RYR2: variants seen among roughly 807,000 people sequenced by gnomAD.
RYR2 encodes the protein cardiac muscle ryanodine receptor-calcium release channel.
Under a neutral mutation model 601.1 loss-of-function variants are expected in RYR2, and 227 were observed. The observed-to-expected ratio is 0.38, with a 90% CI of 0.34 to 0.42. RYR2 has a LOEUF of 0.42. RYR2 is among the 10% of genes least tolerant of loss of function. RYR2 has a pLI of 1.00. For missense variants in RYR2, 4,646 were observed against 6,156.5 expected (o/e 0.75, Z 8.21); for synonymous variants, 2,223 against 2,175.1 (o/e 1.02, Z -0.61).
At chr1:237,579,000 A>T (rs1259296755) in intron 29 of RYR2, among the ~76,000 whole-genome samples, 1 of 150,710 alleles carries the variant, frequency 6.6e-6, no homozygotes, top group East Asian at 2.0e-4. Flanking sequence ...AAGGACTGAG[A>T]ATCAGATATC....
intron 52 of RYR2, among the ~76,000 whole-genome samples, chr1:237,655,374 C>G (rs1294269665): frequency 6.6e-6 from 1 of 152,060 alleles, no homozygotes; most frequent in Non-Finnish European, 1.5e-5. Context: ...TTTTTCAAAG[C>G]TTTATAATGC....
intron 1 of RYR2, among the ~76,000 whole-genome samples, chr1:237,112,171 C>T (rs4659769): frequency 0.64 from 97,908 of 152,030 alleles, 32,109 homozygotes; most frequent in Admixed American, 0.71. Flanking sequence ...CTAGGTGCAA[C>T]GGTGCAATCT....
rs1416816823 is a variant in RYR2, at chr1:237,591,734, T to C, written c.4161-5T>C. ...GCTTATTGTTAGTCCTCTGAAATAT[T>C]TCAGATTTTTGCTTAGAAGAACAAA... On this transcript the variant is annotated splice_region_variant and splice_polypyrimidine_tract_variant and intron_variant, in intron 31 of 104. Transcript: ENST00000366574. 4.4e-6 allele frequency: 7 copies of C among 1,607,100 alleles called. No individual in the cohort carries two copies. In the Admixed American group the frequency reaches 1.2e-4, roughly 27 times the overall value.
At chr1:237,448,862 A>C (rs1214747127) in intron 14 of RYR2, among the ~76,000 whole-genome samples, 1 of 148,084 alleles carries the variant, frequency 6.8e-6, no homozygotes, top group Non-Finnish European at 1.5e-5. Context: ...TTGTATCTTT[A>C]CATTTAAAGT....
intron 92 of RYR2, among the ~76,000 whole-genome samples, chr1:237,789,345 TTATA>T (rs1268073068): frequency 3.3e-5 from 5 of 152,212 alleles, no homozygotes; most frequent in Non-Finnish European, 5.9e-5. Flanking sequence ...TGGTTATGTA[TTATA>T]TATTTTATGC....
intron 100 of RYR2, among the ~76,000 whole-genome samples, chr1:237,813,099 A>C (rs1661425223): frequency 6.6e-6 from 1 of 151,952 alleles, no homozygotes; most frequent in South Asian, 2.1e-4. Context: ...CGCTGCCTTT[A>C]ATATCAGCTG....
At chr1:237,565,170 T>C (rs60802361) in intron 27 of RYR2, among the ~76,000 whole-genome samples, 12 of 22,938 alleles carry the variant, frequency 5.2e-4, no homozygotes, top group East Asian at 2.4e-3. Context: ...TTTCTTTCTT[T>C]CTTTCTTTCT....
chr1:237,153,629 G>T (rs1674982211), intron 1 of RYR2, among the ~76,000 whole-genome samples: 1 of 150,778 alleles, frequency 6.6e-6, no homozygotes, highest in African/African-American at 2.4e-5. Flanking sequence ...GTTGTTGAAG[G>T]TTATAAACTA....
At chr1:237,738,967 A>T (rs1183596911) in intron 79 of RYR2, among the ~76,000 whole-genome samples, 2 of 152,214 alleles carry the variant, frequency 1.3e-5, no homozygotes, top group Non-Finnish European at 2.9e-5. Flanking sequence ...CACCCCCTCC[A>T]ATATTTGATA....
At chr1:237,564,364 G>C (rs763458386) in intron 27 of RYR2, among the ~76,000 whole-genome samples, 1 of 151,804 alleles carries the variant, frequency 6.6e-6, no homozygotes, top group African/African-American at 2.4e-5. Context: ...TCTGCTTCCC[G>C]GGCTCAAGCA....
At chr1:237,227,323 A>G (rs73121655) in intron 1 of RYR2, among the ~76,000 whole-genome samples, 4,489 of 152,282 alleles carry the variant, frequency 0.029, 239 homozygotes, top group African/African-American at 0.1. Flanking sequence ...GTGTACATAG[A>G]TGGAAGTATC....
rs73119311 is a variant in RYR2 at position 237,146,303 on chromosome 1, T to C, written c.48+103734T>C. Among the ~76,000 whole-genome samples, 699 of 152,326 alleles carry C rather than the reference T, an allele frequency of 4.6e-3. 4 individuals are homozygous for C. The highest frequency in any genetic ancestry group is 0.016 in the African/African-American group (654 of 41,576). On this transcript the variant is annotated intron_variant, in intron 1 of 104. Transcript: ENST00000366574. Reference sequence around the variant, plus strand: ...TTTTTAATTTAGTGTTTGGCTTCTATTGGCTCTAAGTCAACTATCTAATGA... The same window carrying C: ...TTTTTAATTTAGTGTTTGGCTTCTACTGGCTCTAAGTCAACTATCTAATGA...
chr1:237,095,083 G>A lies in RYR2; in HGVS notation c.48+52514G>A, dbSNP rs190372871. On this transcript the variant is annotated intron_variant, in intron 1 of 104. Transcript: ENST00000366574. Reference sequence around the variant, plus strand: ...GGTTAAGTAATGTCTTCAGGTTATCGTTGCAAATTAAAATGTTGAAAATAA... The same window carrying A: ...GGTTAAGTAATGTCTTCAGGTTATCATTGCAAATTAAAATGTTGAAAATAA... Among the ~76,000 whole-genome samples the A allele has an allele frequency of 4.6e-5, 7 of 152,306 alleles. No homozygotes were observed. In the East Asian group the frequency reaches 7.7e-4, roughly 17 times the overall value.
In RYR2 at chr1:237,808,669, CAAAAT is replaced by C. The variant is rs878966941; in HGVS notation, c.14299-208_14299-204del. Among the ~76,000 whole-genome samples, 876 of 139,248 alleles carry C rather than the reference CAAAAT, an allele frequency of 6.3e-3. 4 individuals are homozygous for C. Among genetic ancestry groups the C allele is most frequent in the Admixed American group, 9.3e-3 (130 of 14,044 alleles). The allele number at this position is 139,248 out of a possible 152,430, so 91.4% of individuals were successfully genotyped here. On this transcript the variant is annotated intron_variant, in intron 99 of 104. Coordinates refer to ENST00000366574, the MANE Select transcript of RYR2 (RefSeq NM_001035.3). ...AACTCTGTCTCAAAAAAAAAAAAAA[CAAAAT>C]AAAATAAAATAAAATAAAATAAAGT...
At chr1:237,203,561 A>G (rs1681436255) in intron 1 of RYR2, among the ~76,000 whole-genome samples, 2 of 152,318 alleles carry the variant, frequency 1.3e-5, no homozygotes, top group Middle Eastern at 3.4e-3. Flanking sequence ...ATTTGCCCCA[A>G]TGGATATTCA....
At chr1:237,500,683 A>T in intron 20 of RYR2, 28 bp from the exon 21 acceptor site, 1 of 1,539,814 alleles carries the variant, frequency 6.5e-7, no homozygotes, top group Non-Finnish European at 8.8e-7. Flanking sequence ...AAAATACATG[A>T]CCTTCCTTAA....
At chr1:237,092,639 C>T (rs915172277) in intron 1 of RYR2, among the ~76,000 whole-genome samples, 9 of 151,566 alleles carry the variant, frequency 5.9e-5, no homozygotes, top group African/African-American at 9.7e-5. Context: ...AAGTGATTCT[C>T]CTGCCTCAGC....
intron 1 of RYR2, among the ~76,000 whole-genome samples, chr1:237,095,484 CTA>C (rs1667417502): frequency 6.6e-6 from 1 of 152,180 alleles, no homozygotes; most frequent in Non-Finnish European, 1.5e-5. Flanking sequence ...CTGAAAAGTG[CTA>C]TACAAAGCCA....
chr1:237,711,837 G>C lies in RYR2; in HGVS notation c.10323G>C (p.Lys3441Asn). 1 of 1,313,286 alleles carries C rather than the reference G, an allele frequency of 7.6e-7. No individual in the cohort carries two copies. The highest frequency in any genetic ancestry group is 1.1e-6 in the Non-Finnish European group (1 of 909,344). The allele number at this position is 1,313,286 out of a possible 1,614,324, so 81.4% of individuals were successfully genotyped here. The change falls in exon 71 of 105, where the codon AAG becomes AAC. Residue 3441 changes from lysine to asparagine, a missense_variant and splice_region_variant. By Grantham distance (94) the Lys-to-Asn change is moderately conservative. Transcript: ENST00000366574. ...LITDTKSKMS[K>N]AAVSDQERKK... is the part of the protein sequence containing the mutation. ...CTGATACCAAGTCAAAGATGTCAAA[G>C]GTATTACTATAAACTGTTTCACTGT...
Sources: gnomAD v4.1 joint callset for allele counts (sites outside exome capture counted in the v4.1 genomes callset) on GRCh38, gnomAD v4.1.1 for gene constraint, MANE v1.5 for transcripts, NCBI Gene and HGNC (gene_info 2026-07-23, HGNC 2026-07-21) for gene names.